DOK6: variants seen among roughly 807,000 people sequenced by gnomAD.
DOK6 encodes downstream of tyrosine kinase 6.
A neutral mutation model predicts 44.0 loss-of-function variants in DOK6; 22 were observed. The ratio of observed to expected loss-of-function variants is 0.50; its 90% confidence interval spans 0.36 to 0.71. DOK6 has a LOEUF of 0.71. DOK6 is among the 30% of genes least tolerant of loss of function. The pLI, the probability that DOK6 is intolerant of heterozygous loss-of-function variation, is 0.00. For missense variants in DOK6, 340 were observed against 416.4 expected, an observed-to-expected ratio of 0.82 and a Z score of 1.60; for synonymous variants, 166 against 145.5, an observed-to-expected ratio of 1.14 and a Z score of -1.01.
At chr18:69,742,429 GAAA>G (rs945947417) in intron 6 of DOK6, among the ~76,000 whole-genome samples, 2 of 142,118 alleles carry the variant, frequency 1.4e-5, no homozygotes, top group South Asian at 4.3e-4. Flanking sequence ...AAAAAAAAAA[GAAA>G]AAGAAAAAGA....
chr18:69,841,380 A>C lies in DOK6; in HGVS notation c.993A>C (p.Gln331His). The C allele has an allele frequency of 1.2e-6, 2 of 1,614,150 alleles. No individual in the cohort carries two copies. The highest frequency in any genetic ancestry group is 1.3e-5 in the African/African-American group (1 of 75,044). ...TCAGCTACAGCTCCAGCCTCATCCA[A>C]TGACACACAGAGAGCCGCTGTTGAC... ...YGFSYSSSLI[Q>H] is the part of the protein sequence containing the mutation. Residue 331 changes from glutamine (Q) to histidine (H), a missense_variant, in exon 8 of 8, where the codon CAA becomes CAC. Gln to His is a conservative substitution (Grantham distance 24). Transcript: ENST00000382713.
intron 1 of DOK6, among the ~76,000 whole-genome samples, chr18:69,416,261 G>A (rs1486215896): frequency 2.6e-5 from 4 of 152,148 alleles, no homozygotes; most frequent in East Asian, 3.9e-4. Context: ...GAACAAACAT[G>A]TCCTTAAAAT....
At chr18:69,713,528 C>T (rs1986815794) in intron 5 of DOK6, among the ~76,000 whole-genome samples, 1 of 152,170 alleles carries the variant, frequency 6.6e-6, no homozygotes, top group South Asian at 2.1e-4. Flanking sequence ...TACTAATGAG[C>T]TATGGCTTCA....
chr18:69,831,628 A>G (rs747520330), intron 7 of DOK6, among the ~76,000 whole-genome samples: 1 of 152,122 alleles, frequency 6.6e-6, no homozygotes, highest in Non-Finnish European at 1.5e-5. Context: ...TTCATTCCCC[A>G]TTTCTCAAAT....
chr18:69,797,275 A>C (rs539739512), intron 7 of DOK6, among the ~76,000 whole-genome samples: 1 of 152,260 alleles, frequency 6.6e-6, no homozygotes, highest in East Asian at 1.9e-4. Context: ...CATCTTTTTT[A>C]TGGTAATGAA....
At chr18:69,509,437 A>C (rs1352863051) in intron 1 of DOK6, among the ~76,000 whole-genome samples, 1 of 152,042 alleles carries the variant, frequency 6.6e-6, no homozygotes, top group Admixed American at 6.5e-5. Flanking sequence ...GGAGATCGAG[A>C]CCATCCTGGC....
At position 69,445,361 on chromosome 18, in the gene DOK6, T is replaced by G. The variant is rs114232409; in HGVS notation, c.66+44051T>G. 6.5e-3 allele frequency among the ~76,000 whole-genome samples: 991 copies of G among 152,350 alleles called. 10 individuals carry two copies. Among genetic ancestry groups the G allele is most frequent in the African/African-American group, 0.022 (901 of 41,580 alleles). ...CTGGCTAAAGTGTTCATCCTTTTCT[T>G]GTTCCTAGTCTTAGAGGGAAGGTTT... On this transcript the variant is annotated intron_variant, in intron 1 of 7. Transcript: ENST00000382713.
chr18:69,574,163 G>A (rs1983184666), intron 2 of DOK6, among the ~76,000 whole-genome samples: 1 of 151,960 alleles, frequency 6.6e-6, no homozygotes, highest in Non-Finnish European at 1.5e-5. Flanking sequence ...GACACTATGT[G>A]TAGTGACAAT....
chr18:69,813,009 A>G (rs1265175602), intron 7 of DOK6, among the ~76,000 whole-genome samples: 3 of 152,160 alleles, frequency 2.0e-5, no homozygotes, highest in Non-Finnish European at 2.9e-5. Flanking sequence ...ACACATAAAA[A>G]AATAAATTGC....
intron 1 of DOK6, among the ~76,000 whole-genome samples, chr18:69,514,152 G>A (rs1599167764): frequency 6.6e-6 from 1 of 151,654 alleles, no homozygotes; most frequent in African/African-American, 2.4e-5. Context: ...GTAAATACTT[G>A]AAGCCTGTAA....
intron 7 of DOK6, among the ~76,000 whole-genome samples, chr18:69,776,486 A>G (rs1275701614): frequency 6.6e-6 from 1 of 152,114 alleles, no homozygotes; most frequent in Non-Finnish European, 1.5e-5. Context: ...ATCAAAATTT[A>G]TGAGATGTGG....
intron 1 of DOK6, among the ~76,000 whole-genome samples, chr18:69,442,707 A>G (rs1009260255): frequency 5.9e-5 from 9 of 151,924 alleles, no homozygotes; most frequent in African/African-American, 1.7e-4. Context: ...CATGTTGCTT[A>G]TTGTCTTTAC....
intron 5 of DOK6, among the ~76,000 whole-genome samples, chr18:69,722,097 T>C (rs1978289442): frequency 6.6e-6 from 1 of 152,238 alleles, no homozygotes; most frequent in Non-Finnish European, 1.5e-5. Context: ...AATGGAAATC[T>C]TAATTCCATA....
rs1003509298 is a variant in DOK6, at chr18:69,610,194, G to A, written c.289+10696G>A. Among the ~76,000 whole-genome samples, 4 of 152,004 alleles carry A rather than the reference G, an allele frequency of 2.6e-5. No individual in the cohort carries two copies. In the South Asian group the frequency reaches 6.2e-4, roughly 24 times the overall value. ...AATAAAATAAAATTTTAAGAAAGGGGAAAAATGAGTTCTCACGTTTATTTC... is the reference window on the plus strand; with the variant it reads ...AATAAAATAAAATTTTAAGAAAGGGAAAAAATGAGTTCTCACGTTTATTTC... On this transcript the variant is annotated intron_variant, in intron 3 of 7. Coordinates refer to ENST00000382713, the MANE Select transcript of DOK6 (RefSeq NM_152721.6).
intron 3 of DOK6, among the ~76,000 whole-genome samples, chr18:69,621,086 G>C (rs925915207): frequency 3.3e-5 from 5 of 151,878 alleles, no homozygotes; most frequent in African/African-American, 1.2e-4. Flanking sequence ...ATGCATTCTG[G>C]TTGAATGCAT....
intron 1 of DOK6, among the ~76,000 whole-genome samples, chr18:69,436,171 ATTT>A (rs10657543): frequency 6.9e-6 from 1 of 145,164 alleles, no homozygotes; most frequent in Non-Finnish European, 1.5e-5. Flanking sequence ...AATTATCTGG[ATTT>A]TTTTTTTTTT....
At chr18:69,815,934 T>C (rs1175210820) in intron 7 of DOK6, among the ~76,000 whole-genome samples, 1 of 152,180 alleles carries the variant, frequency 6.6e-6, no homozygotes, top group East Asian at 1.9e-4. Context: ...CTTATCCACT[T>C]GCACTGTCTA....
intron 3 of DOK6, among the ~76,000 whole-genome samples, chr18:69,602,730 T>G (rs1296610199): frequency 6.6e-6 from 1 of 152,208 alleles, no homozygotes; most frequent in African/African-American, 2.4e-5. Context: ...AAAATGAGAT[T>G]TTTTTGTTTA....
chr18:69,585,066 T>C (rs1300537669), intron 2 of DOK6, among the ~76,000 whole-genome samples: 1 of 151,938 alleles, frequency 6.6e-6, no homozygotes, highest in Non-Finnish European at 1.5e-5. Context: ...TCTTTCTTTA[T>C]GGAAATGCTC....
Sources: allele counts gnomAD v4.1 joint callset (sites outside exome capture counted in the v4.1 genomes callset), GRCh38; gene constraint gnomAD v4.1.1; transcripts MANE v1.5; gene names NCBI Gene and HGNC (gene_info 2026-07-23, HGNC 2026-07-21).